The following ACP7 variants were observed in gnomAD, a reference collection of about 807,000 sequenced individuals.
The protein encoded by ACP7 is acid phosphatase 7, tartrate resistant (putative).
A neutral mutation model predicts 60.6 loss-of-function variants in ACP7; 58 were observed. The observed-to-expected ratio is 0.96, with a 90% CI of 0.77 to 1.19. The LOEUF (loss-of-function observed/expected upper bound fraction) is 1.19, where lower values mean the gene tolerates loss of function less well. Ranked by LOEUF, ACP7 falls within the 50% of genes most tolerant of loss-of-function variation. The pLI is 0.00. For synonymous variants in ACP7, 237 were observed against 232.6 expected, an observed-to-expected ratio of 1.02 and a Z score of -0.17; for missense variants, 574 against 596.2, an observed-to-expected ratio of 0.96 and a Z score of 0.39.
chr19:39,093,971 G>A (rs1191317389), intron 2 of ACP7, among the ~76,000 whole-genome samples: 3 of 151,904 alleles, frequency 2.0e-5, no homozygotes, highest in Admixed American at 1.3e-4. Flanking sequence ...CCTAAATATG[G>A]GCATTTAGGT....
At position 39,099,173 on chromosome 19, in the gene ACP7, C is replaced by CGGTGGGGGGCGCGCGCAGGGAT. The variant is rs759723935; in HGVS notation, c.505+47_505+68dup. On this transcript the variant is annotated intron_variant, in intron 4 of 12. Coordinates refer to ENST00000331256, the MANE Select transcript of ACP7 (RefSeq NM_001004318.3). ...GCATCCGCAGGGGCGCGCGCAGGGA[C>CGGTGGGGGGCGCGCGCAGGGAT]GGTGGGGGGCGCGCGCAGGGATGGT... 1.0e-4 allele frequency: 136 copies of CGGTGGGGGGCGCGCGCAGGGAT among 1,360,110 alleles called. No homozygotes were observed. In the African/African-American group the frequency reaches 1.7e-3, roughly 17 times the overall value. The allele number at this position is 1,360,110 out of a possible 1,614,324, so 84.3% of individuals were successfully genotyped here. A position where few individuals can be genotyped will look rare whatever the true frequency, so the allele number is the denominator to read the frequency against.
chr19:39,097,548 G>C (rs1208492488), intron 2 of ACP7, among the ~76,000 whole-genome samples: 8 of 149,854 alleles, frequency 5.3e-5, no homozygotes, highest in Non-Finnish European at 1.2e-4. Context: ...CTGGGCAATA[G>C]AGTGAGACCC....
intron 2 of ACP7, among the ~76,000 whole-genome samples, chr19:39,093,311 G>A (rs1419091283): frequency 2.0e-5 from 3 of 148,622 alleles, no homozygotes; most frequent in Middle Eastern, 3.4e-3. Flanking sequence ...AGTGCAGTGA[G>A]TGGCACAATC....
At chr19:39,089,591 C>T (rs78171411) in intron 2 of ACP7, among the ~76,000 whole-genome samples, 3 of 152,154 alleles carry the variant, frequency 2.0e-5, no homozygotes, top group Admixed American at 2.0e-4. Context: ...GTCCATTTCC[C>T]CTTCCAGAAT....
Position 39,098,586 on chromosome 19 carries a change from G to C in ACP7, c.250G>C (p.Gly84Arg), listed in dbSNP as rs144395661. 6.2e-6 allele frequency: 10 copies of C among 1,613,416 alleles called. No homozygotes were observed. The highest frequency in any genetic ancestry group is 2.2e-5 in the East Asian group (1 of 44,870). ...AQGTFVPFVD[G>R]GILRRKLYIH... is the part of the protein sequence containing the mutation. ...GGGCACCTTCGTCCCCTTTGTGGACGGGGGCATTCTCCGGCGGAAGCTCTA... is the reference window on the plus strand; with the variant it reads ...GGGCACCTTCGTCCCCTTTGTGGACCGGGGCATTCTCCGGCGGAAGCTCTA... Residue 84 changes from glycine to arginine, a missense_variant, in exon 3 of 13, where the codon GGG (glycine) becomes CGG (arginine). Transcript: ENST00000331256.
chr19:39,093,094 CTT>C (rs939389041), intron 2 of ACP7, among the ~76,000 whole-genome samples: 1 of 141,324 alleles, frequency 7.1e-6, no homozygotes, highest in Admixed American at 7.1e-5. Context: ...TCTTTCTTTT[CTT>C]TCTTTTTTTC....
chr19:39,100,903 C>T (rs1568481210), intron 7 of ACP7, 46 bp from the exon 8 acceptor site: 2 of 1,610,014 alleles, frequency 1.2e-6, no homozygotes, highest in African/African-American at 2.7e-5. Flanking sequence ...CCACCTCCCC[C>T]TCCACCCCTG....
In ACP7 at chr19:39,102,120, TCA is replaced by T. The variant is rs561424510; in HGVS notation, c.1113+620_1113+621del. 7.7e-3 allele frequency among the ~76,000 whole-genome samples: 1,119 copies of T among 145,822 alleles called. 11 individuals carry two copies. The highest frequency in any genetic ancestry group is 0.022 in the African/African-American group (855 of 38,728). ...GGGCAACAAAATGAGACCCTTTCTCTCACACACACACACACACACACACACAC... is the reference window on the plus strand; with the variant it reads ...GGGCAACAAAATGAGACCCTTTCTCTCACACACACACACACACACACACAC... On this transcript the variant is annotated intron_variant, in intron 11 of 12. Coordinates refer to ENST00000331256, the MANE Select transcript of ACP7 (RefSeq NM_001004318.3).
intron 2 of ACP7, among the ~76,000 whole-genome samples, chr19:39,092,210 TA>T (rs2073211103): frequency 6.6e-6 from 1 of 151,812 alleles, no homozygotes; most frequent in African/African-American, 2.4e-5. Context: ...CGGTCTCTAC[TA>T]AAAATACAAA....
chr19:39,088,574 C>T (rs1334863997), intron 2 of ACP7, among the ~76,000 whole-genome samples: 1 of 152,180 alleles, frequency 6.6e-6, no homozygotes. Context: ...ACGGATAACT[C>T]ATTTAACCTG....
chr19:39,101,549 G>T lies in ACP7; in HGVS notation c.1113+12G>T, dbSNP rs960102734. ...TCACAGGATCTGCTGTGAGCAGGGG[G>T]AAGGGTGGCTTTGCCTTCTCTCTCT... is the stretch of plus-strand genomic sequence containing the variant. On this transcript the variant is annotated intron_variant, in intron 11 of 12. Coordinates refer to ENST00000331256, the MANE Select transcript of ACP7 (RefSeq NM_001004318.3). 3.2e-5 allele frequency: 51 copies of T among 1,612,638 alleles called. No homozygotes were observed. Among genetic ancestry groups the T allele is most frequent in the Non-Finnish European group, 4.2e-5 (50 of 1,179,342 alleles).
intron 2 of ACP7, among the ~76,000 whole-genome samples, chr19:39,090,709 TG>T (rs1168611626): frequency 1.4e-4 from 21 of 151,534 alleles, no homozygotes; most frequent in Non-Finnish European, 2.7e-4. Context: ...CTGGAACTCC[TG>T]GGCTCAAGCA....
chr19:39,097,141 A>G (rs754770738), intron 2 of ACP7, among the ~76,000 whole-genome samples: 5 of 152,124 alleles, frequency 3.3e-5, no homozygotes, highest in Non-Finnish European at 5.9e-5. Flanking sequence ...AGAGAAAATG[A>G]GAAAGAAGCA....
Position 39,098,579 on chromosome 19 carries a change from T to C in ACP7, c.243T>C (p.Phe81=). 1 of 1,613,626 alleles carries C rather than the reference T, an allele frequency of 6.2e-7. No homozygotes were observed. The highest frequency in any genetic ancestry group is 8.5e-7 in the Non-Finnish European group (1 of 1,179,802). The part of the protein sequence containing the change: ...PLRAQGTFVP[F]VDGGILRRKL... ...GCGCCCAGGGCACCTTCGTCCCCTT[T>C]GTGGACGGGGGCATTCTCCGGCGGA... Residue 81 remains phenylalanine (F), a synonymous_variant, in exon 3 of 13, where the codon TTT becomes TTC. Transcript: ENST00000331256.
intron 2 of ACP7, among the ~76,000 whole-genome samples, chr19:39,094,972 CACT>C (rs1237581813): frequency 6.6e-6 from 1 of 152,118 alleles, no homozygotes; most frequent in African/African-American, 2.4e-5. Flanking sequence ...GAGACTTATT[CACT>C]ACCACAAGAA....
rs202133727 is a variant in ACP7, at chr19:39,102,768, T to TTTCTTTCTTTCTTTCTTTCTTTC, written c.1113+1231_1113+1232insTTCTTTCTTTCTTTCTTTCTTTC. Among the ~76,000 whole-genome samples, 3 of 57,024 alleles carry TTTCTTTCTTTCTTTCTTTCTTTC rather than the reference T, an allele frequency of 5.3e-5. No individual in the cohort carries two copies. The East Asian group carries it at 1.6e-3, about 31-fold the overall frequency. 37.4% of individuals were successfully genotyped at this position (57,024 alleles called of 152,430 possible). A position where few individuals can be genotyped will look rare whatever the true frequency, so the allele number is the denominator to read the frequency against. ...CTTTCTTTCTTTCTTTCTTTCTTTCTCTCTCTCTCTCTTTCTCTCTCTCTC... is the reference window on the plus strand; with the variant it reads ...CTTTCTTTCTTTCTTTCTTTCTTTCTTTCTTTCTTTCTTTCTTTCTTTCCTCTCTCTCTCTTTCTCTCTCTCTC... On this transcript the variant is annotated intron_variant, in intron 11 of 12. Coordinates refer to ENST00000331256, the MANE Select transcript of ACP7 (RefSeq NM_001004318.3).
intron 2 of ACP7, among the ~76,000 whole-genome samples, chr19:39,095,816 C>A (rs1177349454): frequency 6.6e-6 from 1 of 152,208 alleles, no homozygotes; most frequent in Non-Finnish European, 1.5e-5. Context: ...GTTCCCAAAC[C>A]CCAATTCTTG....
At chr19:39,102,715 T>TTTCCTTCTTTCTTTCTTTC (rs1555769414) in intron 11 of ACP7, among the ~76,000 whole-genome samples, 2 of 118,616 alleles carry the variant, frequency 1.7e-5, no homozygotes, top group African/African-American at 3.3e-5. Context: ...CAATGAAGAC[T>TTTCCTTCTTTCTTTCTTTC]TTTCTTTCTT....
intron 2 of ACP7, among the ~76,000 whole-genome samples, chr19:39,097,088 A>G (rs912979655): frequency 1.7e-4 from 26 of 152,242 alleles, no homozygotes; most frequent in Middle Eastern, 3.4e-3. Flanking sequence ...GCATGAGCCA[A>G]TACACCTGGC....
Sources: gnomAD v4.1 joint callset for allele counts (sites outside exome capture counted in the v4.1 genomes callset) on GRCh38, gnomAD v4.1.1 for gene constraint, MANE v1.5 for transcripts, NCBI Gene and HGNC (gene_info 2026-07-23, HGNC 2026-07-21) for gene names.